NKAIN3: variants seen among roughly 807,000 people sequenced by gnomAD.
The protein encoded by NKAIN3 is sodium/potassium-transporting ATPase subunit beta-1-interacting protein 3.
Under a neutral mutation model 30.2 loss-of-function variants are expected in NKAIN3, and 25 were observed. The observed-to-expected ratio is 0.83, with a 90% CI of 0.60 to 1.16. The LOEUF (loss-of-function observed/expected upper bound fraction) is 1.16. Among genes scored for constraint, NKAIN3 ranks in the 50% most tolerant of loss-of-function variants. NKAIN3 has a pLI of 0.00. For missense variants in NKAIN3, 225 were observed against 254.1 expected (o/e 0.89, Z 0.78); for synonymous variants, 91 against 89.6 (o/e 1.02, Z -0.09).
chr8:62,539,424 C>T (rs549910277), intron 1 of NKAIN3, among the ~76,000 whole-genome samples: 1 of 152,070 alleles, frequency 6.6e-6, no homozygotes, highest in African/African-American at 2.4e-5. Flanking sequence ...AGCTTTACTG[C>T]AGTGTGAAAT....
chr8:62,625,994 G>A (rs571504526), intron 3 of NKAIN3, among the ~76,000 whole-genome samples: 5 of 152,174 alleles, frequency 3.3e-5, no homozygotes, highest in Non-Finnish European at 7.4e-5. Flanking sequence ...CGAGGAAACT[G>A]AGACTTGAAT....
intron 3 of NKAIN3, among the ~76,000 whole-genome samples, chr8:62,705,447 A>G (rs1401309893): frequency 6.6e-6 from 1 of 152,178 alleles, no homozygotes; most frequent in Non-Finnish European, 1.5e-5. Flanking sequence ...GGCTCTTTAC[A>G]GGCAAGACAT....
intron 3 of NKAIN3, among the ~76,000 whole-genome samples, chr8:62,715,921 C>A (rs565125627): frequency 6.6e-6 from 1 of 152,198 alleles, no homozygotes; most frequent in Admixed American, 6.5e-5. Context: ...ACAACCTTTC[C>A]TGTCTGCTAT....
At chr8:62,751,018 A>T (rs1380513052) in intron 4 of NKAIN3, among the ~76,000 whole-genome samples, 1 of 152,164 alleles carries the variant, frequency 6.6e-6, no homozygotes, top group Non-Finnish European at 1.5e-5. Context: ...AAATCTTATC[A>T]GTCACGTTCC....
intron 3 of NKAIN3, among the ~76,000 whole-genome samples, chr8:62,710,908 A>G (rs1264376588): frequency 6.6e-6 from 1 of 152,122 alleles, no homozygotes; most frequent in Non-Finnish European, 1.5e-5. Context: ...TGTTCCTTTC[A>G]GCAGTTCTTG....
At position 62,736,508 on chromosome 8, in the gene NKAIN3, G is replaced by A. The variant is rs55666600; in HGVS notation, c.274-10424G>A. Among the ~76,000 whole-genome samples, 1,179 of 152,242 alleles carry A rather than the reference G, an allele frequency of 7.7e-3. 7 individuals are homozygous for A. The highest frequency in any genetic ancestry group is 0.014 in the Middle Eastern group (4 of 294). ...CACTCAGCTCCCACGCAGCACCAAA[G>A]CCCCGACTCACTCTCACCATGTCAC... On this transcript the variant is annotated intron_variant, in intron 3 of 6. Transcript: ENST00000623646.
intron 1 of NKAIN3, among the ~76,000 whole-genome samples, chr8:62,335,303 G>T (rs568696351): frequency 6.6e-6 from 1 of 151,788 alleles, no homozygotes; most frequent in African/African-American, 2.4e-5. Flanking sequence ...ACTCATGCCT[G>T]TTATTACAGC....
chr8:62,626,292 T>C (rs187149798), intron 3 of NKAIN3, among the ~76,000 whole-genome samples: 243 of 152,194 alleles, frequency 1.6e-3, no homozygotes, highest in Non-Finnish European at 7.9e-4. Flanking sequence ...AAAGGACTTA[T>C]TTGTTCCTGA....
intron 1 of NKAIN3, among the ~76,000 whole-genome samples, chr8:62,465,555 T>G (rs1806136396): frequency 6.6e-6 from 1 of 152,242 alleles, no homozygotes. Flanking sequence ...ATAGTCATTT[T>G]CCTATATTAA....
chr8:62,421,979 C>T (rs1218068834), intron 1 of NKAIN3, among the ~76,000 whole-genome samples: 5 of 151,956 alleles, frequency 3.3e-5, no homozygotes, highest in South Asian at 2.1e-4. Flanking sequence ...AGAGAACCAT[C>T]GCGGTGAACA....
At chr8:62,749,679 C>CT (rs35908903) in intron 4 of NKAIN3, among the ~76,000 whole-genome samples, 10,450 of 97,126 alleles carry the variant, frequency 0.11, 717 homozygotes, top group East Asian at 0.25. Flanking sequence ...TTTTTCTTTT[C>CT]TTTTTTTTTT....
intron 1 of NKAIN3, among the ~76,000 whole-genome samples, chr8:62,273,883 A>T (rs1321310823): frequency 6.6e-6 from 1 of 152,188 alleles, no homozygotes; most frequent in African/African-American, 2.4e-5. Context: ...GGAAGGAAGG[A>T]GTTAACTGTG....
At chr8:62,952,982 T>C (rs894975118) in intron 5 of NKAIN3, among the ~76,000 whole-genome samples, 1 of 152,146 alleles carries the variant, frequency 6.6e-6, no homozygotes, top group Non-Finnish European at 1.5e-5. Context: ...AAAAGAATCA[T>C]AAATAGATAC....
At position 62,515,075 on chromosome 8, in the gene NKAIN3, A is replaced by G. The variant is rs529609339; in HGVS notation, c.55-64464A>G. ...CTCTTCCAAAGGCTCTACCATCATA[A>G]TCAAGAATATCTCCTTGACTGTAAT... On this transcript the variant is annotated intron_variant, in intron 1 of 6. Transcript: ENST00000623646. Among the ~76,000 whole-genome samples, 409 of 152,186 alleles carry G rather than the reference A, an allele frequency of 2.7e-3. 2 individuals are homozygous for G. The highest frequency in any genetic ancestry group is 4.4e-3 in the Admixed American group (67 of 15,284).
chr8:62,767,340 C>A (rs923669133), intron 4 of NKAIN3, among the ~76,000 whole-genome samples: 1 of 152,092 alleles, frequency 6.6e-6, no homozygotes, highest in African/African-American at 2.4e-5. Flanking sequence ...AAATTCTCAC[C>A]TCCCCTCCAA....
intron 3 of NKAIN3, among the ~76,000 whole-genome samples, chr8:62,707,056 T>TACATACAC (rs1554568706): frequency 7.0e-6 from 1 of 143,310 alleles, no homozygotes; most frequent in Admixed American, 6.8e-5. Context: ...CATACATACA[T>TACATACAC]ACACACACAC....
At chr8:62,987,752 C>T (rs772391773), downstream of NKAIN3, among the ~76,000 whole-genome samples, 11 of 152,052 alleles carry the variant, frequency 7.2e-5, no homozygotes, top group Admixed American at 2.6e-4. Flanking sequence ...ATCATTCTGC[C>T]GCTGCCCCTC....
rs1271937599 is a variant in NKAIN3 at position 62,776,670 on chromosome 8, AGTT to A, written c.471+29547_471+29549del. ...TTATTGTATACCCTATGTCTTGAAAAGTTGTTGTACTTATTATTTTTGATCAGT... is the reference window on the plus strand; with the variant it reads ...TTATTGTATACCCTATGTCTTGAAAAGTTGTACTTATTATTTTTGATCAGT... On this transcript the variant is annotated intron_variant, in intron 4 of 6. Transcript: ENST00000623646. 2.6e-5 allele frequency among the ~76,000 whole-genome samples: 4 copies of A among 152,210 alleles called. No individual in the cohort carries two copies. In the East Asian group the frequency reaches 7.7e-4, roughly 29 times the overall value.
intron 4 of NKAIN3, among the ~76,000 whole-genome samples, chr8:62,908,646 A>G (rs966477024): frequency 2.0e-5 from 3 of 152,076 alleles, no homozygotes; most frequent in African/African-American, 7.2e-5. Context: ...GTTCCCCTGC[A>G]CACACTCTCT....
Sources: allele counts gnomAD v4.1 joint callset (sites outside exome capture counted in the v4.1 genomes callset), GRCh38; gene constraint gnomAD v4.1.1; transcripts MANE v1.5; gene names NCBI Gene and HGNC (gene_info 2026-07-23, HGNC 2026-07-21).